The following ZNF367 variants were observed in gnomAD, a reference collection of about 807,000 sequenced individuals.
ZNF367 encodes zinc finger protein 367.
In ZNF367, 11 loss-of-function variants were observed where a neutral mutation model predicts 31.8. That is an observed-to-expected ratio of 0.35 (90% CI 0.22 to 0.57). The LOEUF (loss-of-function observed/expected upper bound fraction) is 0.57, where lower values mean the gene tolerates loss of function less well. Ranked by LOEUF, ZNF367 falls within the 20% of genes least tolerant of loss-of-function variation. ZNF367 has a pLI of 0.85. For synonymous variants in ZNF367, 199 were observed against 202.4 expected, an observed-to-expected ratio of 0.98 and a Z score of 0.14; for missense variants, 353 against 484.1, an observed-to-expected ratio of 0.73 and a Z score of 2.54.
intron 4 of ZNF367, 70 bp downstream of exon 4, chr9:96,392,328 T>C: frequency 1.2e-6 from 2 of 1,607,440 alleles, no homozygotes; most frequent in Non-Finnish European, 1.7e-6. Context: ...GAGAGGCATG[T>C]CCAGGTCCCT....
chr9:96,414,414 T>C (rs967832377), intron 1 of ZNF367, among the ~76,000 whole-genome samples: 1 of 152,208 alleles, frequency 6.6e-6, no homozygotes, highest in African/African-American at 2.4e-5. Flanking sequence ...TTTACAACCG[T>C]TGGTATACTT....
At chr9:96,393,015 G>A (rs979581702) in intron 3 of ZNF367, among the ~76,000 whole-genome samples, 2 of 152,116 alleles carry the variant, frequency 1.3e-5, no homozygotes, top group Non-Finnish European at 2.9e-5. Context: ...AACCCAGGAG[G>A]CAGAGGTTGC....
intron 1 of ZNF367, among the ~76,000 whole-genome samples, chr9:96,404,719 G>A (rs970434042): frequency 4.0e-5 from 6 of 151,796 alleles, no homozygotes; most frequent in Non-Finnish European, 8.8e-5. Context: ...TGGATTCTTA[G>A]ATATGGCACC....
chr9:96,412,687 TTTTTCTTTTC>T (rs1267959345), intron 1 of ZNF367, among the ~76,000 whole-genome samples: 4 of 145,760 alleles, frequency 2.7e-5, no homozygotes, highest in Admixed American at 6.8e-5. Flanking sequence ...TTCTTTTTTC[TTTTTCTTTTC>T]TTTTTTTTTT....
At chr9:96,404,636 C>CA (rs111803820) in intron 1 of ZNF367, among the ~76,000 whole-genome samples, 3,831 of 134,718 alleles carry the variant, frequency 0.028, 69 homozygotes, top group Middle Eastern at 0.063. Flanking sequence ...CCTCCGTCTC[C>CA]AAAAAAAAAA....
intron 2 of ZNF367, among the ~76,000 whole-genome samples, chr9:96,397,669 C>T (rs1401023489): frequency 6.6e-6 from 1 of 152,136 alleles, no homozygotes; most frequent in Non-Finnish European, 1.5e-5. Context: ...ATAAAACCAC[C>T]ACTCTCCACC....
At position 96,417,923 on chromosome 9, in the gene ZNF367, G is replaced by A. The variant is rs1436050479; in HGVS notation, c.110C>T (p.Thr37Met). 4 of 1,524,448 alleles carry A rather than the reference G, an allele frequency of 2.6e-6. No individual in the cohort carries two copies. The highest frequency in any genetic ancestry group is 2.1e-5 in the Admixed American group (1 of 48,132). The allele number at this position is 1,524,448 out of a possible 1,614,324, so 94.4% of individuals were successfully genotyped here. ...GCCGCACGTTGGCTTGATCGGGGTC[G>A]TCCTGATGACCGACACCAGCACCCG... ...PKRVLVSVIR[T>M]TPIKPTCGGG... Residue 37 changes from threonine to methionine, a missense_variant, in exon 1 of 5, where the codon ACG becomes ATG. Thr to Met is a moderately conservative substitution (Grantham distance 81). Around this residue, in one of 5 missense-constraint regions of ZNF367, gnomAD observed 94 missense variants for 86.7 expected, o/e 1.08. Coordinates refer to ENST00000375256, the MANE Select transcript of ZNF367 (RefSeq NM_153695.4). The surrounding 1 kb of genome is among the most constrained non-coding windows in gnomAD (Gnocchi z 5.0).
At chr9:96,398,876 G>A (rs1383346246) in intron 1 of ZNF367, among the ~76,000 whole-genome samples, 4 of 152,098 alleles carry the variant, frequency 2.6e-5, no homozygotes, top group Non-Finnish European at 4.4e-5. Context: ...TTGAGCCTGC[G>A]GGTTACCTAA....
In ZNF367 at chr9:96,417,976, G is replaced by GGGCGGCGGC. The variant is rs553637829; in HGVS notation, c.48_56dup (p.Pro17_Pro19dup). 5 of 1,446,284 alleles carry GGGCGGCGGC rather than the reference G, an allele frequency of 3.5e-6. No individual in the cohort carries two copies. Among genetic ancestry groups the GGGCGGCGGC allele is most frequent in the Admixed American group, 2.7e-5 (1 of 37,164 alleles). The allele number at this position is 1,446,284 out of a possible 1,614,324, so 89.6% of individuals were successfully genotyped here. On this transcript the variant is annotated inframe_insertion, in exon 1 of 5. Transcript: ENST00000375256. The surrounding 1 kb of genome is among the most constrained non-coding windows in gnomAD (Gnocchi z 5.0). ...TCGGGGAGTCGTGGCAGAAGATGAC[G>GGGCGGCGGC]GGCGGCGGCGGCGGCGGCGGGTTCT...
chr9:96,389,839 C>T (rs1013274595), intron 4 of ZNF367, among the ~76,000 whole-genome samples: 5 of 151,684 alleles, frequency 3.3e-5, no homozygotes, highest in African/African-American at 4.8e-5. Flanking sequence ...AAACTATTCT[C>T]GTGCCTCAGC....
intron 1 of ZNF367, 103 bp from the exon 2 acceptor site, chr9:96,398,417 G>T: frequency 3.8e-6 from 4 of 1,052,864 alleles, no homozygotes; most frequent in Non-Finnish European, 5.4e-6. Context: ...GGAGCTGGGC[G>T]CAGCGGCACA....
At chr9:96,415,478 C>CTTTTTTT (rs1564146059) in intron 1 of ZNF367, among the ~76,000 whole-genome samples, 1 of 65,520 alleles carries the variant, frequency 1.5e-5, no homozygotes, top group Non-Finnish European at 3.0e-5. Context: ...TTAGTTTCTT[C>CTTTTTTT]ATTTTTTTTT....
Position 96,387,759 on chromosome 9 carries a change from TTATC to T in ZNF367, c.*474_*477del, listed in dbSNP as rs1451413017. On this transcript the variant is annotated 3_prime_UTR_variant, in exon 5 of 5. Transcript: ENST00000375256. ...TGGGCACAGTATTTTGCAATTAAAA[TTATC>T]TATCTTACATATTTTATACTTTCTT... 1 of 152,730 alleles carries T rather than the reference TTATC, an allele frequency of 6.5e-6. No homozygotes were observed. The highest frequency in any genetic ancestry group is 1.5e-5 in the Non-Finnish European group (1 of 68,412). 9.5% of individuals were successfully genotyped at this position (152,730 alleles called of 1,614,324 possible). A position where few individuals can be genotyped will look rare whatever the true frequency, so the allele number is the denominator to read the frequency against.
At chr9:96,395,224 T>C (rs1831516899) in intron 2 of ZNF367, among the ~76,000 whole-genome samples, 1 of 152,166 alleles carries the variant, frequency 6.6e-6, no homozygotes, top group East Asian at 1.9e-4. Flanking sequence ...ATCTTGCTGA[T>C]TCTTCACTAT....
In ZNF367 at chr9:96,417,427, C is replaced by T. The variant is rs993927116; in HGVS notation, c.420+186G>A. ...GGTCTCCCGCGCCGCTCCCGCCTGT[C>T]ACGTGACAGGCCCCCCCCGACTGGG... On this transcript the variant is annotated intron_variant, in intron 1 of 4. Coordinates refer to ENST00000375256, the MANE Select transcript of ZNF367 (RefSeq NM_153695.4). The surrounding 1 kb of genome is among the most constrained non-coding windows in gnomAD (Gnocchi z 5.0). Among the ~76,000 whole-genome samples, 39 of 100,032 alleles carry T rather than the reference C, an allele frequency of 3.9e-4. No individual in the cohort carries two copies. Among genetic ancestry groups the T allele is most frequent in the African/African-American group, 1.8e-3 (32 of 17,592 alleles). 65.6% of individuals were successfully genotyped at this position (100,032 alleles called of 152,430 possible). A position where few individuals can be genotyped will look rare whatever the true frequency, so the allele number is the denominator to read the frequency against.
At chr9:96,393,356 A>G (rs1469127393) in intron 3 of ZNF367, among the ~76,000 whole-genome samples, 3 of 151,188 alleles carry the variant, frequency 2.0e-5, no homozygotes, top group African/African-American at 7.3e-5. Flanking sequence ...CCCCATCTCT[A>G]CTAAAAATAC....
rs1019321845 is a variant in ZNF367 at position 96,418,163 on chromosome 9, C to A, written c.-131G>T. 1 of 1,241,828 alleles carries A rather than the reference C, an allele frequency of 8.1e-7. No homozygotes were observed. The highest frequency in any genetic ancestry group is 1.6e-5 in the African/African-American group (1 of 64,166). The allele number at this position is 1,241,828 out of a possible 1,614,324, so 76.9% of individuals were successfully genotyped here. On this transcript the variant is annotated 5_prime_UTR_variant, in exon 1 of 5. Coordinates refer to ENST00000375256, the MANE Select transcript of ZNF367 (RefSeq NM_153695.4). ...ATGGCAGACTGACGTTTCCCGGAAT[C>A]CTGCGCAGCAGCCACCTAACTAGTT...
intron 1 of ZNF367, among the ~76,000 whole-genome samples, chr9:96,406,418 T>C (rs1313389140): frequency 6.6e-6 from 1 of 152,234 alleles, no homozygotes; most frequent in Non-Finnish European, 1.5e-5. Flanking sequence ...GGATAAATCA[T>C]GTTTTATGAA....
chr9:96,396,887 G>T (rs967559907), intron 2 of ZNF367, among the ~76,000 whole-genome samples: 4 of 152,048 alleles, frequency 2.6e-5, no homozygotes, highest in African/African-American at 9.7e-5. Context: ...GGCTGGTCTT[G>T]AACTCCTGAC....
Sources: gnomAD v4.1 joint callset for allele counts (sites outside exome capture counted in the v4.1 genomes callset) on GRCh38, gnomAD v4.1.1 for gene constraint, gnomAD v4.1.1 regional missense constraint, Gnocchi (gnomAD v3.1) non-coding constraint, MANE v1.5 for transcripts, NCBI Gene and HGNC (gene_info 2026-07-23, HGNC 2026-07-21) for gene names.